The following TTC39C variants were observed in gnomAD, a reference collection of about 807,000 sequenced individuals.
TTC39C encodes tetratricopeptide repeat domain 39C, also known as tetratricopeptide repeat protein 39C.
In TTC39C, 33 loss-of-function variants were observed where a neutral mutation model predicts 76.3. The ratio of observed to expected loss-of-function variants is 0.43; its 90% CI spans 0.33 to 0.58. The LOEUF is 0.58. Among genes scored for constraint, TTC39C ranks in the 20% least tolerant of loss-of-function variants. The pLI is 0.04. For synonymous variants in TTC39C, 254 were observed against 260.6 expected (o/e 0.97, Z 0.24); for missense variants, 595 against 701.4 (o/e 0.85, Z 1.71).
At chr18:24,090,610 C>T (rs919383643) in intron 6 of TTC39C, among the ~76,000 whole-genome samples, 3 of 151,358 alleles carry the variant, frequency 2.0e-5, no homozygotes, top group Non-Finnish European at 4.4e-5. Context: ...ATCCTAAACT[C>T]AAGGGCCCCA....
At chr18:24,125,717 C>T (rs1364175246) in intron 10 of TTC39C, 167 bp downstream of exon 10, 5 of 822,220 alleles carry the variant, frequency 6.1e-6, no homozygotes, top group Non-Finnish European at 9.3e-6. Context: ...AATCCTGTCA[C>T]TTAGGTGATG....
chr18:24,019,668 T>C (rs903788882), intron 1 of TTC39C, among the ~76,000 whole-genome samples: 3 of 152,168 alleles, frequency 2.0e-5, no homozygotes. Flanking sequence ...AATCCAGGAG[T>C]TGGTAAACTA....
rs142131269 is a variant in TTC39C at position 24,125,561 on chromosome 18, T to G, written c.1420+11T>G. The G allele has an allele frequency of 2.5e-6, 4 of 1,613,786 alleles. No homozygotes were observed. In the East Asian group the frequency reaches 8.9e-5, roughly 36 times the overall value. On this transcript the variant is annotated intron_variant, in intron 10 of 13. Transcript: ENST00000317571. ...AGAGGATGAGTCAAGGTAAAAAATT[T>G]AAAAAAACCCAAAACTGTCTACTGG...
intron 6 of TTC39C, among the ~76,000 whole-genome samples, chr18:24,098,554 T>G (rs2084628315): frequency 2.2e-5 from 2 of 89,608 alleles, no homozygotes; most frequent in African/African-American, 8.7e-5. Flanking sequence ...TCCCCTCTCC[T>G]CTCCTCTCCT....
At chr18:24,107,883 CA>C (rs1475585870) in intron 6 of TTC39C, among the ~76,000 whole-genome samples, 3 of 61,118 alleles carry the variant, frequency 4.9e-5, no homozygotes, top group African/African-American at 1.7e-4. Flanking sequence ...CACAGCCTCC[CA>C]AGTAGGGGGG....
At chr18:24,097,391 C>T (rs552013422) in intron 6 of TTC39C, among the ~76,000 whole-genome samples, 3 of 152,318 alleles carry the variant, frequency 2.0e-5, no homozygotes, top group African/African-American at 7.2e-5. Context: ...TCTCCTATTA[C>T]AGTTCCTTGA....
chr18:24,112,706 C>G (rs567714744), intron 6 of TTC39C, among the ~76,000 whole-genome samples: 1 of 152,122 alleles, frequency 6.6e-6, no homozygotes. Flanking sequence ...GGGAACAGCT[C>G]GGTGGTGATG....
chr18:24,014,176 C>A (rs2083415987), upstream of TTC39C, among the ~76,000 whole-genome samples: 1 of 152,234 alleles, frequency 6.6e-6, no homozygotes. Flanking sequence ...TCCTAGGGGG[C>A]GGCCCCAGGG....
chr18:24,054,712 GT>G (rs2083994897), intron 1 of TTC39C, among the ~76,000 whole-genome samples: 1 of 152,184 alleles, frequency 6.6e-6, no homozygotes, highest in East Asian at 1.9e-4. Context: ...ATTATAGAAA[GT>G]TTTTTCAATT....
chr18:24,020,233 C>T lies in TTC39C; in HGVS notation c.167+5195C>T, dbSNP rs1266991687. On this transcript the variant is annotated intron_variant, in intron 1 of 13. Transcript: ENST00000317571. ...TGTGTTGGAAAAAGGCATCTTTTTT[C>T]CCCCAACTATTACACTGTCTGAAAA... is the stretch of plus-strand genomic sequence containing the variant. 3.8e-6 allele frequency: 4 copies of T among 1,061,598 alleles called. No individual in the cohort carries two copies. The East Asian group carries it at 2.1e-4, about 55-fold the overall frequency. 65.8% of individuals were successfully genotyped at this position (1,061,598 alleles called of 1,614,324 possible).
In TTC39C at chr18:24,071,885, T is replaced by C. The variant is rs540664981; in HGVS notation, c.460+2614T>C. Among the ~76,000 whole-genome samples, 14 of 152,370 alleles carry C rather than the reference T, an allele frequency of 9.2e-5. No homozygotes were observed. In the South Asian group the frequency reaches 2.9e-3, roughly 32 times the overall value. On this transcript the variant is annotated intron_variant, in intron 4 of 13. Coordinates refer to ENST00000317571, the MANE Select transcript of TTC39C (RefSeq NM_001135993.2). The stretch of plus-strand genomic sequence containing the variant: ...ACAGCATTCTTGCTTCTTCCTGAAG[T>C]CCTATGATTTATTGAATGTGATATT...
chr18:24,001,825 T>TTTTTG (rs1443295593), intron 1 of TTC39C, among the ~76,000 whole-genome samples: 1 of 39,058 alleles, frequency 2.6e-5, no homozygotes, highest in African/African-American at 5.4e-5. Flanking sequence ...GTAATTCTGT[T>TTTTTG]TTTTTTTTTT....
In TTC39C at chr18:24,014,776, T is replaced by A; in HGVS notation, c.-96T>A. ...CCTCCCCTCCCCTCCCGGCTCCGCT[T>A]GGCTCCGGGCAGGTAGAGCCGGGCT... On this transcript the variant is annotated 5_prime_UTR_variant, in exon 1 of 14. Transcript: ENST00000317571. 1.7e-6 allele frequency: 2 copies of A among 1,163,076 alleles called. No homozygotes were observed. The highest frequency in any genetic ancestry group is 2.1e-6 in the Non-Finnish European group (2 of 941,764). The allele number at this position is 1,163,076 out of a possible 1,614,324, so 72.0% of individuals were successfully genotyped here. A position where few individuals can be genotyped will look rare whatever the true frequency, so the allele number is the denominator to read the frequency against.
At chr18:24,118,067 A>G (rs2084918634) in intron 7 of TTC39C, 58 bp from the exon 8 acceptor site, 3 of 1,406,674 alleles carry the variant, frequency 2.1e-6, no homozygotes, top group East Asian at 2.5e-5. Context: ...CGTGGCTTAA[A>G]TATGGGTCAT....
intron 1 of TTC39C, among the ~76,000 whole-genome samples, chr18:24,032,163 C>T (rs147767619): frequency 5.6e-4 from 86 of 152,280 alleles, no homozygotes; most frequent in Middle Eastern, 3.4e-3. Context: ...GCCGATACCT[C>T]GATTTCAGCC....
At chr18:24,090,675 A>T (rs1183809397) in intron 6 of TTC39C, among the ~76,000 whole-genome samples, 3 of 152,130 alleles carry the variant, frequency 2.0e-5, no homozygotes, top group African/African-American at 7.2e-5. Context: ...GGAAAAAGAA[A>T]ACTCCACTTC....
chr18:24,040,407 A>G (rs2083778477), intron 1 of TTC39C, among the ~76,000 whole-genome samples: 1 of 152,126 alleles, frequency 6.6e-6, no homozygotes. Flanking sequence ...AGCCTTTTCC[A>G]CTTATCTCGC....
chr18:24,024,010 A>ATTT (rs1568409146), intron 1 of TTC39C, among the ~76,000 whole-genome samples: 2 of 6,544 alleles, frequency 3.1e-4, no homozygotes, highest in African/African-American at 5.3e-4. Context: ...ATATATATAT[A>ATTT]TATATATTTT....
intron 6 of TTC39C, among the ~76,000 whole-genome samples, chr18:24,106,811 A>G (rs2084749749): frequency 6.6e-6 from 1 of 152,172 alleles, no homozygotes. Context: ...CAGCCTCCTA[A>G]GAAGCTGTCA....
Sources: allele counts gnomAD v4.1 joint callset (sites outside exome capture counted in the v4.1 genomes callset), GRCh38; gene constraint gnomAD v4.1.1; transcripts MANE v1.5; gene names NCBI Gene and HGNC (gene_info 2026-07-23, HGNC 2026-07-21).